Variants in TENM3 observed in about 807,000 individuals in gnomAD.
TENM3 encodes the protein teneurin transmembrane protein 3, also known as teneurin-3.
TENM3 carries 63 observed loss-of-function variants against 255.1 expected under a neutral mutation model. The observed-to-expected ratio is 0.25, with a 90% CI of 0.20 to 0.30. The LOEUF (loss-of-function observed/expected upper bound fraction) is 0.30, where lower values mean the gene tolerates loss of function less well. Among genes scored for constraint, TENM3 ranks in the 10% least tolerant of loss-of-function variants. The pLI is 1.00. For synonymous variants in TENM3, 1,306 were observed against 1,322.3 expected (o/e 0.99, Z 0.27); for missense variants, 2,929 against 3,461.1 (o/e 0.85, Z 3.86).
At chr4:182,480,634 A>G (rs528045522) in intron 3 of TENM3, among the ~76,000 whole-genome samples, 31 of 152,186 alleles carry the variant, frequency 2.0e-4, no homozygotes, top group Admixed American at 7.9e-4. Context: ...TTCTAATTCT[A>G]TTTGGAACTC....
chr4:182,392,851 A>G (rs1424992647), intron 3 of TENM3, among the ~76,000 whole-genome samples: 1 of 152,034 alleles, frequency 6.6e-6, no homozygotes, highest in Non-Finnish European at 1.5e-5. Flanking sequence ...TGTCTGAGCT[A>G]TTTTTTAATG....
the TENM3 span, among the ~76,000 whole-genome samples, chr4:182,100,846 T>TACACATATATACAC: frequency 1.8e-4 from 2 of 10,878 alleles, no homozygotes; most frequent in African/African-American, 5.3e-4. Context: ...TATACTCATA[T>TACACATATATACAC]ATATATATAT....
At chr4:182,086,358 C>T in the TENM3 span, among the ~76,000 whole-genome samples, 3 of 152,144 alleles carry the variant, frequency 2.0e-5, no homozygotes, top group Admixed American at 2.0e-4. Flanking sequence ...CGAGTACTAA[C>T]ATCTGCAAAT....
At chr4:182,695,252 G>C (rs1262201859) in intron 12 of TENM3, among the ~76,000 whole-genome samples, 1 of 152,168 alleles carries the variant, frequency 6.6e-6, no homozygotes, top group South Asian at 2.1e-4. Context: ...CCTTGCCAGA[G>C]ACAGGTTTAC....
At chr4:181,945,920 A>G in the TENM3 span, among the ~76,000 whole-genome samples, 1 of 151,730 alleles carries the variant, frequency 6.6e-6, no homozygotes, top group Admixed American at 6.6e-5. Flanking sequence ...AGAAATATAT[A>G]TACACACATA....
rs374804887 is a variant in TENM3 at position 182,301,836 on chromosome 4, CA to C, written c.-75-22108del. ...TCGCACTGGGAATAAGTGTGGCACA[CA>C]ACTCTAAAGACAGGGAATTCGGGGG... On this transcript the variant is annotated intron_variant, in intron 1 of 27. Transcript: ENST00000511685. Among the ~76,000 whole-genome samples the C allele has an allele frequency of 5.5e-3, 841 of 152,210 alleles. 6 individuals carry two copies. The highest frequency in any genetic ancestry group is 0.019 in the African/African-American group (797 of 41,548).
the TENM3 span, among the ~76,000 whole-genome samples, chr4:181,983,161 C>T: frequency 6.6e-6 from 1 of 152,242 alleles, no homozygotes; most frequent in African/African-American, 2.4e-5. Flanking sequence ...TGCAGCAGTA[C>T]GTGTGTTCAG....
the TENM3 span, among the ~76,000 whole-genome samples, chr4:181,956,896 G>A: frequency 6.6e-6 from 1 of 152,144 alleles, no homozygotes; most frequent in African/African-American, 2.4e-5. Flanking sequence ...TATTTAGAAG[G>A]CAGTCAAGTT....
At chr4:182,695,928 G>A (rs1305529652) in intron 12 of TENM3, among the ~76,000 whole-genome samples, 3 of 152,178 alleles carry the variant, frequency 2.0e-5, no homozygotes, top group Middle Eastern at 3.2e-3. Context: ...GTATAAGTCT[G>A]TAGCAGTACT....
At chr4:182,732,251 C>CT (rs1198408725) in intron 16 of TENM3, among the ~76,000 whole-genome samples, 1 of 151,988 alleles carries the variant, frequency 6.6e-6, no homozygotes, top group Non-Finnish European at 1.5e-5. Flanking sequence ...CTAAATGTAC[C>CT]TGACAGCTTG....
At chr4:181,857,802 G>A in the TENM3 span, among the ~76,000 whole-genome samples, 33 of 152,108 alleles carry the variant, frequency 2.2e-4, no homozygotes, top group African/African-American at 7.7e-4. Flanking sequence ...TTTTATGCAG[G>A]TGTAATGGGG....
chr4:181,600,198 G>C, the TENM3 span, among the ~76,000 whole-genome samples: 1 of 152,100 alleles, frequency 6.6e-6, no homozygotes, highest in East Asian at 1.9e-4. Flanking sequence ...ATATACCATT[G>C]TGTGAATTCA....
intron 22 of TENM3, among the ~76,000 whole-genome samples, chr4:182,763,350 C>T (rs13112991): frequency 2.0e-5 from 3 of 152,110 alleles, no homozygotes; most frequent in Non-Finnish European, 2.9e-5. Flanking sequence ...CGGATCACGA[C>T]GTCAGGAGAT....
chr4:182,214,520 T>TG (rs1554033076), intron 1 of TENM3, among the ~76,000 whole-genome samples: 3 of 146,738 alleles, frequency 2.0e-5, no homozygotes, highest in Non-Finnish European at 4.6e-5. Context: ...TTGTATTTAT[T>TG]TATTTATTTA....
At chr4:182,090,557 C>T in the TENM3 span, among the ~76,000 whole-genome samples, 1 of 152,178 alleles carries the variant, frequency 6.6e-6, no homozygotes, top group Non-Finnish European at 1.5e-5. Flanking sequence ...CAGAGGTTAA[C>T]AGGTCGGACC....
chr4:181,605,570 GAGAGAGAAAGAAAGGA>G, the TENM3 span, among the ~76,000 whole-genome samples: 1 of 24,788 alleles, frequency 4.0e-5, no homozygotes, highest in Admixed American at 5.1e-4. Flanking sequence ...AAGAAAGAAA[GAGAGAGAAAGAAAGGA>G]AAGAAAGAAA....
rs867589239 is a variant in TENM3, at chr4:182,215,751, A to C, written c.-76+70997A>C. ...TTTTTACTCACACCTGGCACATGTCAACAGAATAACCTTTGACTGCACAGG... is the reference window on the plus strand; with the variant it reads ...TTTTTACTCACACCTGGCACATGTCCACAGAATAACCTTTGACTGCACAGG... On this transcript the variant is annotated intron_variant, in intron 1 of 2. Transcript: ENST00000512480. Among the ~76,000 whole-genome samples, 4 of 152,296 alleles carry C rather than the reference A, an allele frequency of 2.6e-5. No individual in the cohort carries two copies. The South Asian group carries it at 8.3e-4, about 32-fold the overall frequency.
chr4:181,941,322 T>TA, the TENM3 span, among the ~76,000 whole-genome samples: 2 of 152,126 alleles, frequency 1.3e-5, no homozygotes, highest in African/African-American at 2.4e-5. Context: ...TTTTTTTTTT[T>TA]TATAGCTATT....
At chr4:181,553,266 T>A in the TENM3 span, among the ~76,000 whole-genome samples, 3 of 106,808 alleles carry the variant, frequency 2.8e-5, no homozygotes, top group Non-Finnish European at 4.2e-5. Flanking sequence ...ATTAAGTGTG[T>A]GTGTGTGTGT....
Sources: gnomAD v4.1 joint callset for allele counts (sites outside exome capture counted in the v4.1 genomes callset) on GRCh38, gnomAD v4.1.1 for gene constraint, MANE v1.5 for transcripts, NCBI Gene and HGNC (gene_info 2026-07-23, HGNC 2026-07-21) for gene names.